ZFP91: variants seen among roughly 807,000 people sequenced by gnomAD.
ZFP91 encodes E3 ubiquitin-protein ligase ZFP91.
In ZFP91, 7 loss-of-function variants were observed where a neutral mutation model predicts 63.5. The ratio of observed to expected loss-of-function variants is 0.11; its 90% CI spans 0.06 to 0.21. The LOEUF (loss-of-function observed/expected upper bound fraction) is 0.21. ZFP91 is among the 10% of genes least tolerant of loss of function. ZFP91 has a pLI of 1.00. For synonymous variants in ZFP91, 330 were observed against 272.1 expected, an observed-to-expected ratio of 1.21 and a Z score of -2.10; for missense variants, 628 against 736.6, an observed-to-expected ratio of 0.85 and a Z score of 1.71.
At chr11:58,589,878 TA>T (rs1170563727) in intron 2 of ZFP91, among the ~76,000 whole-genome samples, 2 of 152,226 alleles carry the variant, frequency 1.3e-5, no homozygotes, top group African/African-American at 4.8e-5. Flanking sequence ...GATGTAGGCT[TA>T]AAAAGCCTTG....
chr11:58,606,455 A>T (rs748788738), intron 2 of ZFP91, among the ~76,000 whole-genome samples: 4 of 152,070 alleles, frequency 2.6e-5, no homozygotes, highest in Non-Finnish European at 5.9e-5. Context: ...GTACTTTGTC[A>T]GTGATTTTCT....
intron 2 of ZFP91, among the ~76,000 whole-genome samples, chr11:58,595,572 CTTT>C (rs34767843): frequency 5.9e-4 from 81 of 136,758 alleles, no homozygotes; most frequent in African/African-American, 5.8e-4. Flanking sequence ...TAGTATCAAT[CTTT>C]TTTTTTTTTT....
At chr11:58,587,468 G>A (rs1301377573) in intron 2 of ZFP91, among the ~76,000 whole-genome samples, 2 of 152,134 alleles carry the variant, frequency 1.3e-5, no homozygotes, top group African/African-American at 4.8e-5. Flanking sequence ...AGTTAATTTG[G>A]ACAAGGAACA....
intron 2 of ZFP91, among the ~76,000 whole-genome samples, chr11:58,594,533 G>A (rs192636600): frequency 2.0e-5 from 3 of 152,296 alleles, no homozygotes; most frequent in Admixed American, 2.0e-4. Context: ...GAACTTTGAT[G>A]ACATTACTTT....
At chr11:58,613,540 C>G (rs1030752054) in intron 8 of ZFP91, among the ~76,000 whole-genome samples, 28 of 152,060 alleles carry the variant, frequency 1.8e-4, no homozygotes, top group Admixed American at 1.8e-3. Flanking sequence ...TGGAATCTTT[C>G]AATATTACAG....
At chr11:58,608,758 C>T (rs1452189201) in intron 2 of ZFP91, among the ~76,000 whole-genome samples, 4 of 152,108 alleles carry the variant, frequency 2.6e-5, no homozygotes, top group African/African-American at 7.2e-5. Flanking sequence ...TTAGGCACCA[C>T]GACGCCTGGC....
chr11:58,606,284 C>T (rs1223277480), intron 2 of ZFP91, among the ~76,000 whole-genome samples: 1 of 152,200 alleles, frequency 6.6e-6, no homozygotes, highest in East Asian at 1.9e-4. Context: ...CCAGGCTGGT[C>T]TCGAACTCCT....
intron 4 of ZFP91, 133 bp downstream of exon 4, chr11:58,610,467 A>G (rs1034476929): frequency 1.3e-6 from 1 of 782,576 alleles, no homozygotes; most frequent in Non-Finnish European, 1.9e-6. Context: ...TTGATACTGC[A>G]TTTAGATTCC....
In ZFP91 at chr11:58,620,517, A is replaced by C. The variant is rs1042707367; in HGVS notation, c.*2811A>C. On this transcript the variant is annotated 3_prime_UTR_variant, in exon 11 of 11. Transcript: ENST00000316059. ...CATCCCTCTTCTTTGTGGTTGCCCAAGGTTGTTTTGCGTAACTGAGACTCC... is the reference window on the plus strand; with the variant it reads ...CATCCCTCTTCTTTGTGGTTGCCCACGGTTGTTTTGCGTAACTGAGACTCC... The C allele has an allele frequency of 6.6e-6, 1 of 152,606 alleles. No individual in the cohort carries two copies. Among genetic ancestry groups the C allele is most frequent in the African/African-American group, 2.4e-5 (1 of 41,436 alleles). 9.5% of individuals were successfully genotyped at this position (152,606 alleles called of 1,614,324 possible). A position where few individuals can be genotyped will look rare whatever the true frequency, so the allele number is the denominator to read the frequency against.
intron 2 of ZFP91, 42 bp downstream of exon 2, chr11:58,584,926 AT>A: frequency 7.1e-7 from 1 of 1,403,180 alleles, no homozygotes. Context: ...CATTACACTG[AT>A]TATCTTTTAA....
Position 58,618,597 on chromosome 11 carries a change from T to C in ZFP91, c.*891T>C, listed in dbSNP as rs1318006155. 2.3e-6 allele frequency: 1 copy of C among 426,420 alleles called. No homozygotes were observed. Among genetic ancestry groups the C allele is most frequent in the Non-Finnish European group, 4.6e-6 (1 of 218,246 alleles). 26.4% of individuals were successfully genotyped at this position (426,420 alleles called of 1,614,324 possible). On this transcript the variant is annotated 3_prime_UTR_variant, in exon 11 of 11. Transcript: ENST00000316059. ...TCTGATTTTTTTTTTTTGGAGTCTT[T>C]GTTGCTATATTTTGTGGGGCTGGGA...
At position 58,602,592 on chromosome 11, in the gene ZFP91, T is replaced by C. The variant is rs531828019; in HGVS notation, c.371-7238T>C. Reference sequence around the variant, plus strand: ...TTGTTGAAGTGCATTTTGCCTGATATTAGTAGGGCCACCTTTACGAGTTGA... The same window carrying C: ...TTGTTGAAGTGCATTTTGCCTGATACTAGTAGGGCCACCTTTACGAGTTGA... On this transcript the variant is annotated intron_variant, in intron 2 of 10. Transcript: ENST00000316059. Among the ~76,000 whole-genome samples, 7 of 152,284 alleles carry C rather than the reference T, an allele frequency of 4.6e-5. No homozygotes were observed. The South Asian group carries it at 1.2e-3, about 27-fold the overall frequency.
At position 58,588,140 on chromosome 11, in the gene ZFP91, C is replaced by T. The variant is rs79121796; in HGVS notation, c.370+3256C>T. ...ACAGAAAACATACTTGGAAATACTG[C>T]ATGCTTGAAAATTTGATTGTATAAA... is the stretch of plus-strand genomic sequence containing the variant. On this transcript the variant is annotated intron_variant, in intron 2 of 10. Transcript: ENST00000316059. Among the ~76,000 whole-genome samples, 101 of 152,214 alleles carry T rather than the reference C, an allele frequency of 6.6e-4. 1 individual carries two copies. Among genetic ancestry groups the T allele is most frequent in the African/African-American group, 2.4e-3 (99 of 41,560 alleles).
intron 2 of ZFP91, among the ~76,000 whole-genome samples, chr11:58,585,814 G>A (rs555613171): frequency 6.6e-6 from 1 of 152,282 alleles, no homozygotes; most frequent in South Asian, 2.1e-4. Context: ...CAAGTTTAAA[G>A]CCTGGATTTT....
chr11:58,613,191 A>T (rs999120916), intron 8 of ZFP91, among the ~76,000 whole-genome samples: 2 of 152,132 alleles, frequency 1.3e-5, no homozygotes, highest in African/African-American at 4.8e-5. Context: ...AAGAACATAT[A>T]TTTATTTATT....
At chr11:58,591,943 A>C (rs769610390) in intron 2 of ZFP91, among the ~76,000 whole-genome samples, 6 of 152,146 alleles carry the variant, frequency 3.9e-5, no homozygotes, top group Non-Finnish European at 8.8e-5. Flanking sequence ...GGCTGTAGCC[A>C]GGTCAGCCTG....
At chr11:58,579,686 T>C in intron 1 of ZFP91, 64 bp downstream of exon 1, 1 of 1,406,586 alleles carries the variant, frequency 7.1e-7, no homozygotes, top group East Asian at 2.8e-5. Context: ...CCCTCTCGGC[T>C]CCCGTAGCGC....
intron 2 of ZFP91, among the ~76,000 whole-genome samples, chr11:58,589,432 TAAAAAC>T: frequency 6.6e-6 from 1 of 152,116 alleles, no homozygotes; most frequent in South Asian, 2.1e-4. Context: ...AAATGTAAGT[TAAAAAC>T]AACAACAACA....
intron 2 of ZFP91, among the ~76,000 whole-genome samples, chr11:58,605,948 C>T (rs993977329): frequency 6.6e-6 from 1 of 151,878 alleles, no homozygotes; most frequent in Non-Finnish European, 1.5e-5. Context: ...ATTCTTCATA[C>T]TGGATCATCT....
Sources: gnomAD v4.1 joint callset for allele counts (sites outside exome capture counted in the v4.1 genomes callset) on GRCh38, gnomAD v4.1.1 for gene constraint, MANE v1.5 for transcripts, NCBI Gene and HGNC (gene_info 2026-07-23, HGNC 2026-07-21) for gene names.